The following CACNA2D2 variants were observed in gnomAD, a reference collection of about 807,000 sequenced individuals.
CACNA2D2 encodes the protein calcium voltage-gated channel auxiliary subunit alpha2delta 2, also known as voltage-dependent calcium channel subunit alpha-2/delta-2.
A neutral mutation model predicts 166.4 loss-of-function variants in CACNA2D2; 48 were observed. The ratio of observed to expected loss-of-function variants is 0.29; its 90% CI spans 0.23 to 0.37. CACNA2D2 has a LOEUF of 0.37. Among genes scored for constraint, CACNA2D2 ranks in the 10% least tolerant of loss-of-function variants. CACNA2D2 has a pLI of 1.00. For synonymous variants in CACNA2D2, 561 were observed against 573.7 expected (o/e 0.98, Z 0.32); for missense variants, 1,122 against 1,433.0 (o/e 0.78, Z 3.50).
chr3:50,395,432 T>A (rs976290756), intron 3 of CACNA2D2, among the ~76,000 whole-genome samples: 6 of 152,140 alleles, frequency 3.9e-5, no homozygotes, highest in Admixed American at 2.6e-4. Flanking sequence ...GGGCCCACCA[T>A]GCTCAGTGAG....
intron 4 of CACNA2D2, among the ~76,000 whole-genome samples, chr3:50,392,915 A>C (rs1295403845): frequency 6.6e-6 from 1 of 152,156 alleles, no homozygotes. Flanking sequence ...CTTAGAAAAT[A>C]ATCTTTCATT....
At chr3:50,485,689 C>T (rs1328398380) in intron 1 of CACNA2D2, among the ~76,000 whole-genome samples, 1 of 152,250 alleles carries the variant, frequency 6.6e-6, no homozygotes, top group African/African-American at 2.4e-5. Flanking sequence ...TTACAGCTCA[C>T]TATGCAGGGG....
intron 2 of CACNA2D2, among the ~76,000 whole-genome samples, chr3:50,435,307 G>A (rs923592025): frequency 6.6e-6 from 1 of 151,918 alleles, no homozygotes; most frequent in African/African-American, 2.4e-5. Context: ...GTGCGTGTGC[G>A]TGTGCGTGTG....
At chr3:50,466,274 G>T (rs1202097867) in intron 2 of CACNA2D2, among the ~76,000 whole-genome samples, 2 of 99,644 alleles carry the variant, frequency 2.0e-5, no homozygotes, top group African/African-American at 7.7e-5. Context: ...GTGTGCGCAT[G>T]TGTGTGTGTG....
Position 50,379,718 on chromosome 3 carries a change from C to T in CACNA2D2, c.993+7G>A. ...CATTTCACCCCGTCTGCCACCTTGG[C>T]ACTCACCGAGGCCACATTCACATAG... On this transcript the variant is annotated splice_region_variant and intron_variant, in intron 10 of 37. Coordinates refer to ENST00000424201, the MANE Select transcript of CACNA2D2 (RefSeq NM_006030.4). The surrounding 1 kb of genome is among the most constrained non-coding windows in gnomAD (Gnocchi z 6.5). 4 of 1,613,772 alleles carry T rather than the reference C, an allele frequency of 2.5e-6. No homozygotes were observed. Among genetic ancestry groups the T allele is most frequent in the Non-Finnish European group, 3.4e-6 (4 of 1,179,960 alleles).
chr3:50,401,662 CTCTT>C (rs1706460227), intron 3 of CACNA2D2, among the ~76,000 whole-genome samples: 1 of 152,160 alleles, frequency 6.6e-6, no homozygotes, highest in Admixed American at 6.5e-5. Flanking sequence ...CTCCCACTCT[CTCTT>C]ATTACTGTTA....
At chr3:50,417,554 G>A (rs1216678197) in intron 3 of CACNA2D2, among the ~76,000 whole-genome samples, 1 of 152,198 alleles carries the variant, frequency 6.6e-6, no homozygotes, top group Non-Finnish European at 1.5e-5. Context: ...GCTGGGCAGC[G>A]GGGAGGACCC....
In CACNA2D2 at chr3:50,503,259, G is replaced by A; in HGVS notation, c.165C>T (p.Ala55=). 8.4e-7 allele frequency: 1 copy of A among 1,191,168 alleles called. No homozygotes were observed. Among genetic ancestry groups the A allele is most frequent in the Non-Finnish European group, 1.0e-6 (1 of 960,124 alleles). 73.8% of individuals were successfully genotyped at this position (1,191,168 alleles called of 1,614,324 possible). A position where few individuals can be genotyped will look rare whatever the true frequency, so the allele number is the denominator to read the frequency against. ...WLLLPLLPLL[A]APGASAYSFP... The stretch of plus-strand genomic sequence containing the variant: ...AGCTGTAGGCAGAGGCGCCGGGGGC[G>A]GCGAGCAGCGGTAGAAGCGGCAGCA... The change falls in exon 1 of 38, where the codon GCC becomes GCT. Residue 55 remains alanine (A), a synonymous_variant. Transcript: ENST00000424201.
intron 2 of CACNA2D2, among the ~76,000 whole-genome samples, chr3:50,455,804 C>T (rs1709336057): frequency 6.6e-6 from 1 of 152,222 alleles, no homozygotes; most frequent in South Asian, 2.1e-4. Flanking sequence ...CCTCCGGCGT[C>T]TCACCAGCAG....
chr3:50,365,009 G>T lies in CACNA2D2; in HGVS notation c.3209-39C>A. On this transcript the variant is annotated intron_variant, in intron 36 of 37. Transcript: ENST00000424201. This position sits in a 1 kb window ranked among gnomAD's most constrained non-coding sequence, Gnocchi z 4.5. ...GGGAGTCAAGGAGGCGGACGGCGGC[G>T]GCGGCACGGAGGGGGCGCGCGGGGC... The T allele has an allele frequency of 6.2e-7, 1 of 1,607,964 alleles. No individual in the cohort carries two copies. The highest frequency in any genetic ancestry group is 8.5e-7 in the Non-Finnish European group (1 of 1,177,796).
At chr3:50,501,549 G>C (rs1698964300) in intron 1 of CACNA2D2, among the ~76,000 whole-genome samples, 1 of 152,212 alleles carries the variant, frequency 6.6e-6, no homozygotes, top group Non-Finnish European at 1.5e-5. Context: ...GCCTACTCTG[G>C]TCAGGTTCTC....
chr3:50,453,723 G>A (rs1345879865), intron 2 of CACNA2D2, among the ~76,000 whole-genome samples: 1 of 152,222 alleles, frequency 6.6e-6, no homozygotes, highest in Non-Finnish European at 1.5e-5. Context: ...AGGGGCAGGT[G>A]AAGGCTCTGG....
In CACNA2D2 at chr3:50,377,819, G is replaced by A; in HGVS notation, c.1480-16C>T. 3 of 1,609,270 alleles carry A rather than the reference G, an allele frequency of 1.9e-6. No homozygotes were observed. The highest frequency in any genetic ancestry group is 1.1e-5 in the South Asian group (1 of 90,524). On this transcript the variant is annotated splice_polypyrimidine_tract_variant and intron_variant, in intron 15 of 37. Transcript: ENST00000424201. ...ACCCCAGTCCCTGAAGGGAGAGGAA[G>A]ATGATGGAGTCACCTGTGGCCAGCA...
chr3:50,476,215 GGAGA>G lies in CACNA2D2; in HGVS notation c.207-20_207-17del. 7 of 1,572,276 alleles carry G rather than the reference GGAGA, an allele frequency of 4.5e-6. No individual in the cohort carries two copies. Among genetic ancestry groups the G allele is most frequent in the Non-Finnish European group, 5.2e-6 (6 of 1,160,000 alleles). ...GTGCTGCATCCTGTATGCAGAGAGA[GGAGA>G]GAGGTGTCAGGAGGGCCTGCCCAGA... is the stretch of plus-strand genomic sequence containing the variant. On this transcript the variant is annotated splice_polypyrimidine_tract_variant and intron_variant, in intron 1 of 37. Transcript: ENST00000424201.
intron 2 of CACNA2D2, among the ~76,000 whole-genome samples, chr3:50,457,251 A>AAAAC (rs940141989): frequency 4.6e-4 from 70 of 152,228 alleles, no homozygotes; most frequent in African/African-American, 1.2e-3. Context: ...CTCTGTCTCA[A>AAAAC]AAACAAACAA....
chr3:50,376,040 G>A lies in CACNA2D2; in HGVS notation c.1702-6C>T, dbSNP rs745700703. 6.2e-7 allele frequency: 1 copy of A among 1,613,334 alleles called. No individual in the cohort carries two copies. Among genetic ancestry groups the A allele is most frequent in the East Asian group, 2.2e-5 (1 of 44,880 alleles). ...GGCTCCCGGAAGTTGGTGGTCTGTT[G>A]GAGGCAGGGTGGGAAGTCAGAAGTC... On this transcript the variant is annotated splice_polypyrimidine_tract_variant and splice_region_variant and intron_variant, in intron 18 of 37. Coordinates refer to ENST00000424201, the MANE Select transcript of CACNA2D2 (RefSeq NM_006030.4). The surrounding 1 kb of genome is among the most constrained non-coding windows in gnomAD (Gnocchi z 4.3).
intron 4 of CACNA2D2, among the ~76,000 whole-genome samples, chr3:50,393,236 G>C (rs1450533216): frequency 6.6e-6 from 1 of 152,186 alleles, no homozygotes; most frequent in African/African-American, 2.4e-5. Flanking sequence ...GCTGGAGTGA[G>C]TCAGGTCTGC....
At chr3:50,455,448 T>C (rs1487560106) in intron 2 of CACNA2D2, among the ~76,000 whole-genome samples, 5 of 152,190 alleles carry the variant, frequency 3.3e-5, no homozygotes, top group African/African-American at 1.2e-4. Context: ...TTCTTCTCCC[T>C]CCACGCTCCA....
intron 3 of CACNA2D2, among the ~76,000 whole-genome samples, chr3:50,405,709 C>A (rs1006724705): frequency 7.7e-6 from 1 of 129,514 alleles, no homozygotes; most frequent in African/African-American, 4.6e-5. Flanking sequence ...AAGGTGAAGA[C>A]AACAAGGTCA....
Sources: allele counts gnomAD v4.1 joint callset (sites outside exome capture counted in the v4.1 genomes callset), GRCh38; gene constraint gnomAD v4.1.1; non-coding constraint Gnocchi (gnomAD v3.1); transcripts MANE v1.5; gene names NCBI Gene and HGNC (gene_info 2026-07-23, HGNC 2026-07-21).